DNAH5: variants seen among roughly 807,000 people sequenced by gnomAD.
DNAH5 encodes dynein axonemal heavy chain 5.
Under a neutral mutation model 518.2 loss-of-function variants are expected in DNAH5, and 372 were observed. That is an observed-to-expected ratio of 0.72 (90% CI 0.66 to 0.78). The LOEUF is 0.78. Among genes scored for constraint, DNAH5 ranks in the 30% least tolerant of loss-of-function variants. The probability of loss-of-function intolerance (pLI) is 0.00; values close to 1 mark genes in which losing one functional copy is unlikely to be tolerated. For missense variants in DNAH5, 5,523 were observed against 5,687.0 expected, an observed-to-expected ratio of 0.97 and a Z score of 0.93; for synonymous variants, 2,039 against 2,025.9, an observed-to-expected ratio of 1.01 and a Z score of -0.17.
At chr5:14,006,352 C>T (rs890418209) in intron 1 of DNAH5, among the ~76,000 whole-genome samples, 1 of 152,152 alleles carries the variant, frequency 6.6e-6, no homozygotes, top group African/African-American at 2.4e-5. Context: ...CTCAGGATGC[C>T]GTCACCAAAT....
chr5:13,864,323 A>G, intron 28 of DNAH5, 74 bp downstream of exon 28: 1 of 1,585,860 alleles, frequency 6.3e-7, no homozygotes, highest in Admixed American at 1.7e-5. Flanking sequence ...TACTGATCCA[A>G]TATTCCATAA....
Position 13,922,287 on chromosome 5 carries a change from C to G in DNAH5, c.480G>C (p.Leu160=). 6.2e-7 allele frequency: 1 copy of G among 1,614,130 alleles called. No individual in the cohort carries two copies. The highest frequency in any genetic ancestry group is 1.1e-5 in the South Asian group (1 of 91,086). The change falls in exon 5 of 79, where the codon CTG becomes CTC. Residue 160 remains leucine, a synonymous_variant. Coordinates refer to ENST00000265104, the MANE Select transcript of DNAH5 (RefSeq NM_001369.3). ...FNMLDAADGG[L]LNSVRRLLSD... is the part of the protein sequence containing the mutation. The stretch of plus-strand genomic sequence containing the variant: ...ACAGCAAACGTCTCACACTGTTGAG[C>G]AGGCCTCCATCTGCCGCATCTAACA...
intron 38 of DNAH5, among the ~76,000 whole-genome samples, chr5:13,827,767 T>C (rs1763084631): frequency 6.6e-6 from 1 of 151,934 alleles, no homozygotes; most frequent in Admixed American, 6.6e-5. Flanking sequence ...AATCCCCACA[T>C]GTCACTGGAG....
intron 31 of DNAH5, among the ~76,000 whole-genome samples, chr5:13,847,444 G>A (rs976037711): frequency 7.2e-5 from 11 of 152,162 alleles, no homozygotes; most frequent in African/African-American, 2.6e-4. Context: ...AGAAAAATAG[G>A]CCAGGCACAG....
rs1460997842 is a variant in DNAH5, at chr5:13,691,202, G to A, written c.*782C>T. The stretch of plus-strand genomic sequence containing the variant: ...TCTTTTAAATTGTTTCCTTGATGTA[G>A]AGAAAACAAAGATCCAAGGGTGTGA... On this transcript the variant is annotated 3_prime_UTR_variant, in exon 79 of 79. Coordinates refer to ENST00000265104, the MANE Select transcript of DNAH5 (RefSeq NM_001369.3). The A allele has an allele frequency of 6.6e-6, 1 of 152,076 alleles. No individual in the cohort carries two copies. The highest frequency in any genetic ancestry group is 2.4e-5 in the African/African-American group (1 of 41,408). 9.4% of individuals were successfully genotyped at this position (152,076 alleles called of 1,614,324 possible). A position where few individuals can be genotyped will look rare whatever the true frequency, so the allele number is the denominator to read the frequency against.
intron 40 of DNAH5, among the ~76,000 whole-genome samples, chr5:13,821,574 A>G (rs765809699): frequency 3.9e-5 from 6 of 152,194 alleles, no homozygotes; most frequent in Non-Finnish European, 8.8e-5. Context: ...GAAACTATGG[A>G]ATGCAGATTT....
At chr5:13,847,669 G>A (rs377003572) in intron 31 of DNAH5, among the ~76,000 whole-genome samples, 20 of 151,572 alleles carry the variant, frequency 1.3e-4, no homozygotes, top group East Asian at 7.8e-4. Flanking sequence ...GGCTGCAGTG[G>A]GCTGAGATTG....
chr5:13,821,193 T>C (rs1762195762), intron 40 of DNAH5, among the ~76,000 whole-genome samples: 1 of 152,196 alleles, frequency 6.6e-6, no homozygotes, highest in Admixed American at 6.5e-5. Flanking sequence ...TGAAAACATT[T>C]ATATAAATAT....
chr5:13,834,608 G>A lies in DNAH5; in HGVS notation c.5883-3833C>T, dbSNP rs897904989. 4.6e-5 allele frequency among the ~76,000 whole-genome samples: 7 copies of A among 152,152 alleles called. No homozygotes were observed. The East Asian group carries it at 1.4e-3, about 29-fold the overall frequency. Reference sequence around the variant, plus strand: ...GAGGGTTATGAGATTTGGAGATTGCGGGAGGTCGGGAGACCCTCTGAGGTG... The same window carrying A: ...GAGGGTTATGAGATTTGGAGATTGCAGGAGGTCGGGAGACCCTCTGAGGTG... On this transcript the variant is annotated intron_variant, in intron 35 of 78. Transcript: ENST00000265104.
In DNAH5 at chr5:13,778,219, T is replaced by C. The variant is rs546721940; in HGVS notation, c.8952-864A>G. 5.3e-5 allele frequency among the ~76,000 whole-genome samples: 8 copies of C among 152,152 alleles called. No individual in the cohort carries two copies. The South Asian group carries it at 1.7e-3, about 32-fold the overall frequency. On this transcript the variant is annotated intron_variant, in intron 53 of 78. Transcript: ENST00000265104. ...ACCCTAGAATTGGAAATATCACAAC[T>C]ATGCATCAATACTTCTAGAAGACAC...
intron 65 of DNAH5, among the ~76,000 whole-genome samples, chr5:13,747,120 C>T (rs9687667): frequency 0.36 from 54,629 of 150,904 alleles, 10,206 homozygotes; most frequent in South Asian, 0.5. Context: ...TTCCCACCTA[C>T]GAGTGAGAAC....
chr5:13,779,203 T>C (rs1754716663), intron 53 of DNAH5, among the ~76,000 whole-genome samples: 1 of 152,216 alleles, frequency 6.6e-6, no homozygotes, highest in South Asian at 2.1e-4. Flanking sequence ...ATCCCTTTCC[T>C]GTGCAGGTTG....
At chr5:13,696,085 C>A (rs954575979) in intron 78 of DNAH5, among the ~76,000 whole-genome samples, 1 of 152,168 alleles carries the variant, frequency 6.6e-6, no homozygotes, top group Non-Finnish European at 1.5e-5. Context: ...AGTCTCAGGT[C>A]AGAATGGGTC....
At chr5:13,938,593 A>G (rs573535540) in intron 1 of DNAH5, among the ~76,000 whole-genome samples, 2 of 151,844 alleles carry the variant, frequency 1.3e-5, no homozygotes, top group African/African-American at 4.8e-5. Flanking sequence ...ATATATATGA[A>G]AAAAACATAG....
chr5:13,768,247 G>C (rs1239341353), intron 58 of DNAH5, among the ~76,000 whole-genome samples: 1 of 152,096 alleles, frequency 6.6e-6, no homozygotes, highest in Non-Finnish European at 1.5e-5. Flanking sequence ...CTGTTCTCAT[G>C]ATGGTGAGTG....
At chr5:13,868,859 G>A (rs916055800) in intron 24 of DNAH5, among the ~76,000 whole-genome samples, 74 of 152,032 alleles carry the variant, frequency 4.9e-4, no homozygotes, top group African/African-American at 1.7e-3. Flanking sequence ...AGCTCATAAT[G>A]TGTGTGTGTG....
intron 1 of DNAH5, among the ~76,000 whole-genome samples, chr5:14,009,724 T>G (rs568030406): frequency 6.6e-6 from 1 of 152,268 alleles, no homozygotes; most frequent in East Asian, 1.9e-4. Flanking sequence ...TTTACCACCT[T>G]CCACCATACT....
chr5:13,711,499 C>A (rs1328759456), intron 75 of DNAH5, among the ~76,000 whole-genome samples: 2 of 152,174 alleles, frequency 1.3e-5, no homozygotes, highest in African/African-American at 4.8e-5. Flanking sequence ...TTCAATACAG[C>A]ACTGGAAGTC....
intron 32 of DNAH5, among the ~76,000 whole-genome samples, chr5:13,842,264 C>T (rs1765286094): frequency 6.6e-6 from 1 of 151,652 alleles, no homozygotes; most frequent in Non-Finnish European, 1.5e-5. Flanking sequence ...CCTATAATCC[C>T]AGCTAATTGA....
Sources: allele counts gnomAD v4.1 joint callset (sites outside exome capture counted in the v4.1 genomes callset), GRCh38; gene constraint gnomAD v4.1.1; transcripts MANE v1.5; gene names NCBI Gene and HGNC (gene_info 2026-07-23, HGNC 2026-07-21).